ST6GALNAC5: variants seen among roughly 807,000 people sequenced by gnomAD.
The protein encoded by ST6GALNAC5 is ST6 N-acetylgalactosaminide alpha-2,6-sialyltransferase 5, also known as alpha-N-acetylgalactosaminide alpha-2,6-sialyltransferase 5.
A neutral mutation model predicts 33.6 loss-of-function variants in ST6GALNAC5; 27 were observed. The ratio of observed to expected loss-of-function variants is 0.80; its 90% confidence interval spans 0.59 to 1.11. ST6GALNAC5 has a LOEUF of 1.11. ST6GALNAC5 is among the 50% of genes least tolerant of loss of function. The pLI is 0.00. For missense variants in ST6GALNAC5, 428 were observed against 454.0 expected (o/e 0.94, Z 0.52); for synonymous variants, 194 against 171.2 (o/e 1.13, Z -1.04).
intron 4 of ST6GALNAC5, among the ~76,000 whole-genome samples, chr1:77,055,327 G>A (rs1262828813): frequency 3.9e-5 from 6 of 152,206 alleles, no homozygotes; most frequent in Non-Finnish European, 2.9e-5. Context: ...TATGACCTCA[G>A]TTTGGACTGC....
At chr1:77,008,683 C>T (rs975290759) in intron 2 of ST6GALNAC5, among the ~76,000 whole-genome samples, 1 of 152,086 alleles carries the variant, frequency 6.6e-6, no homozygotes, top group African/African-American at 2.4e-5. Flanking sequence ...GTGCCCGCCA[C>T]CACACCCGGT....
At chr1:76,951,154 A>G (rs1240396569) in intron 2 of ST6GALNAC5, among the ~76,000 whole-genome samples, 1 of 152,130 alleles carries the variant, frequency 6.6e-6, no homozygotes, top group Non-Finnish European at 1.5e-5. Flanking sequence ...TTCTGAATAC[A>G]CAAATCTGAA....
At chr1:76,986,648 A>T (rs1011688663) in intron 2 of ST6GALNAC5, among the ~76,000 whole-genome samples, 6 of 152,180 alleles carry the variant, frequency 3.9e-5, no homozygotes, top group African/African-American at 1.2e-4. Context: ...TTGACCCAGC[A>T]ATCCCATTAC....
At chr1:77,062,457 T>G (rs1241937442) in intron 4 of ST6GALNAC5, among the ~76,000 whole-genome samples, 1 of 152,090 alleles carries the variant, frequency 6.6e-6, no homozygotes, top group African/African-American at 2.4e-5. Context: ...TTTGTAGAGT[T>G]GACCAGAAAG....
intron 2 of ST6GALNAC5, among the ~76,000 whole-genome samples, chr1:76,921,233 A>T (rs1386700086): frequency 6.6e-6 from 1 of 152,178 alleles, no homozygotes; most frequent in Non-Finnish European, 1.5e-5. Flanking sequence ...GAAAGAGAGA[A>T]AAACATCCTT....
intron 2 of ST6GALNAC5, among the ~76,000 whole-genome samples, chr1:76,896,563 G>A (rs1224585837): frequency 1.3e-5 from 2 of 152,102 alleles, no homozygotes; most frequent in Admixed American, 1.3e-4. Flanking sequence ...ATCAGGGTGA[G>A]GAACAGGAAA....
At chr1:76,888,292 T>C (rs760335240) in intron 2 of ST6GALNAC5, among the ~76,000 whole-genome samples, 4 of 152,134 alleles carry the variant, frequency 2.6e-5, no homozygotes, top group Non-Finnish European at 5.9e-5. Flanking sequence ...GGATGGGGCC[T>C]AACAGTCAGC....
intron 2 of ST6GALNAC5, among the ~76,000 whole-genome samples, chr1:76,898,518 A>C (rs1646781459): frequency 6.6e-6 from 1 of 152,188 alleles, no homozygotes; most frequent in South Asian, 2.1e-4. Flanking sequence ...TATTGAGAAT[A>C]AGATGGCCTT....
chr1:77,049,672 C>G (rs1325841661), intron 3 of ST6GALNAC5, among the ~76,000 whole-genome samples: 1 of 152,194 alleles, frequency 6.6e-6, no homozygotes, highest in Admixed American at 6.5e-5. Flanking sequence ...TCCTGTGGCT[C>G]TTTTCCTCTG....
At chr1:77,002,369 A>T in intron 2 of ST6GALNAC5, among the ~76,000 whole-genome samples, 1 of 151,344 alleles carries the variant, frequency 6.6e-6, no homozygotes. Context: ...TGTCTATTTG[A>T]TTCTTCTCTC....
intron 2 of ST6GALNAC5, among the ~76,000 whole-genome samples, chr1:77,005,234 G>A (rs887126761): frequency 6.6e-6 from 1 of 152,350 alleles, no homozygotes; most frequent in East Asian, 1.9e-4. Flanking sequence ...GCAATATTCA[G>A]GTGGGAGTGA....
intron 2 of ST6GALNAC5, among the ~76,000 whole-genome samples, chr1:76,997,063 G>C (rs1040405428): frequency 6.6e-6 from 1 of 152,186 alleles, no homozygotes; most frequent in Non-Finnish European, 1.5e-5. Context: ...GTTTCAATAT[G>C]CTGGGTAAAG....
At chr1:76,960,231 A>C (rs1165696770) in intron 2 of ST6GALNAC5, among the ~76,000 whole-genome samples, 1 of 152,160 alleles carries the variant, frequency 6.6e-6, no homozygotes, top group Non-Finnish European at 1.5e-5. Context: ...GAGAAATTTT[A>C]AAGCTGGGTA....
At position 77,044,439 on chromosome 1, in the gene ST6GALNAC5, C is replaced by G. The variant is rs774305544; in HGVS notation, c.497C>G (p.Thr166Ser). The change falls in exon 3 of 5, where the codon ACC becomes AGC. Residue 166 changes from threonine (T) to serine (S), a missense_variant. Physicochemically the swap from Thr to Ser is moderately conservative, Grantham distance 58. Transcript: ENST00000477717. ...GACCTGCTCAACGTGAGCCAGGGCACCGTGTTCATCTTCTGGGGCCCCAGC... is the reference window on the plus strand; with the variant it reads ...GACCTGCTCAACGTGAGCCAGGGCAGCGTGTTCATCTTCTGGGGCCCCAGC... Reference protein sequence around the residue: ...RHDLLNVSQGTVFIFWGPSSY... With the variant: ...RHDLLNVSQGSVFIFWGPSSY... 2 of 1,613,248 alleles carry G rather than the reference C, an allele frequency of 1.2e-6. No homozygotes were observed. The highest frequency in any genetic ancestry group is 1.7e-5 in the Admixed American group (1 of 59,990).
intron 2 of ST6GALNAC5, among the ~76,000 whole-genome samples, chr1:77,043,281 T>C (rs1171849556): frequency 6.6e-6 from 1 of 152,248 alleles, no homozygotes; most frequent in African/African-American, 2.4e-5. Flanking sequence ...TCATTAAACA[T>C]GAACACGGGA....
intron 2 of ST6GALNAC5, among the ~76,000 whole-genome samples, chr1:77,021,603 G>A (rs1651056534): frequency 6.6e-6 from 1 of 152,078 alleles, no homozygotes; most frequent in African/African-American, 2.4e-5. Context: ...CTTTGTCCTG[G>A]ATAACAGCTC....
At chr1:76,983,815 C>G (rs1649363446) in intron 2 of ST6GALNAC5, among the ~76,000 whole-genome samples, 1 of 152,244 alleles carries the variant, frequency 6.6e-6, no homozygotes, top group African/African-American at 2.4e-5. Flanking sequence ...AACTGTCTCT[C>G]AGACCACACT....
intron 4 of ST6GALNAC5, among the ~76,000 whole-genome samples, chr1:77,051,736 G>T (rs1284990732): frequency 6.6e-6 from 1 of 152,122 alleles, no homozygotes. Flanking sequence ...AAAGTAAGTA[G>T]AATGGCCTAA....
At chr1:76,869,715 C>T (rs992285376) in intron 2 of ST6GALNAC5, among the ~76,000 whole-genome samples, 3 of 152,130 alleles carry the variant, frequency 2.0e-5, no homozygotes, top group Non-Finnish European at 4.4e-5. Flanking sequence ...AAAAGCCAAA[C>T]TTTTTAAAAA....
Sources: allele counts gnomAD v4.1 joint callset (sites outside exome capture counted in the v4.1 genomes callset), GRCh38; gene constraint gnomAD v4.1.1; transcripts MANE v1.5; gene names NCBI Gene and HGNC (gene_info 2026-07-23, HGNC 2026-07-21).